The following MEGF11 variants were observed in gnomAD, a reference collection of about 807,000 sequenced individuals.
MEGF11 encodes the protein multiple epidermal growth factor-like domains protein 11.
Under a neutral mutation model 146.6 loss-of-function variants are expected in MEGF11, and 126 were observed. The ratio of observed to expected loss-of-function variants is 0.86; its 90% CI spans 0.74 to 1.00. The LOEUF is 1.00. MEGF11 is among the 50% of genes least tolerant of loss of function. The probability of loss-of-function intolerance (pLI) is 0.00; values close to 1 mark genes in which losing one functional copy is unlikely to be tolerated. For missense variants in MEGF11, 1,509 were observed against 1,521.2 expected (o/e 0.99, Z 0.13); for synonymous variants, 532 against 583.4 (o/e 0.91, Z 1.27).
At chr15:65,947,674 T>C (rs183720393) in intron 10 of MEGF11, among the ~76,000 whole-genome samples, 1 of 152,252 alleles carries the variant, frequency 6.6e-6, no homozygotes, top group African/African-American at 2.4e-5. Flanking sequence ...CCCTCTAGAA[T>C]TGGTGAGGTC....
intron 4 of MEGF11, 136 bp from the exon 5 acceptor site, chr15:66,094,630 G>C (rs1171986485): frequency 1.3e-5 from 9 of 671,098 alleles, no homozygotes; most frequent in East Asian, 2.9e-5. Context: ...GGCTTGGGGG[G>C]GAAAATCAAG....
chr15:66,076,212 G>GGATA (rs2085573452), intron 5 of MEGF11, among the ~76,000 whole-genome samples: 1 of 18,018 alleles, frequency 5.6e-5, no homozygotes, highest in African/African-American at 1.5e-4. Flanking sequence ...CAGGATGGAT[G>GGATA]GATGGATGGA....
intron 5 of MEGF11, among the ~76,000 whole-genome samples, chr15:66,080,812 G>C (rs1218761982): frequency 6.6e-6 from 1 of 152,210 alleles, no homozygotes. Flanking sequence ...CCAGTGTGTG[G>C]GGCTGACACA....
At chr15:65,928,394 C>A (rs1200032144) in intron 13 of MEGF11, 31 bp downstream of exon 13, 1 of 1,482,854 alleles carries the variant, frequency 6.7e-7, no homozygotes, top group Non-Finnish European at 9.3e-7. Context: ...TTTCACAGTA[C>A]CTGGGTGGTG....
chr15:66,150,823 CGAGAGAGAGAGAGAGAGAGAGAGAGA>C (rs66595752), intron 1 of MEGF11, among the ~76,000 whole-genome samples: 63 of 104,288 alleles, frequency 6.0e-4, no homozygotes, highest in African/African-American at 2.1e-3. Context: ...AATGCCCTGT[CGAGAGAGAGAGAGAGAGAGAGAGAGA>C]GAGAGAGAGA....
At chr15:66,196,416 G>A (rs570166162) in intron 1 of MEGF11, among the ~76,000 whole-genome samples, 76 of 152,254 alleles carry the variant, frequency 5.0e-4, no homozygotes, top group African/African-American at 1.6e-3. Context: ...AGGTTGCAGC[G>A]AGCTGAGATT....
chr15:66,064,708 T>TC lies in MEGF11; in HGVS notation c.394+29693_394+29694insG, dbSNP rs60886682. Among the ~76,000 whole-genome samples the TC allele has an allele frequency of 1.4e-3, 219 of 151,530 alleles. 2 individuals carry two copies. The East Asian group carries it at 0.036, about 25-fold the overall frequency. ...ATTTTGTATTTTTTTTCTTTTTTTT[T>TC]AGTAGAGACTGGGTTTCTCCATGTT... On this transcript the variant is annotated intron_variant, in intron 5 of 25. Transcript: ENST00000395614.
At chr15:66,079,171 C>T (rs1043806863) in intron 5 of MEGF11, among the ~76,000 whole-genome samples, 1 of 152,210 alleles carries the variant, frequency 6.6e-6, no homozygotes, top group Non-Finnish European at 1.5e-5. Context: ...ACACCGCCTC[C>T]TGCCCCATGG....
chr15:66,141,232 G>A (rs1019926930), intron 1 of MEGF11, among the ~76,000 whole-genome samples: 2 of 94,388 alleles, frequency 2.1e-5, no homozygotes, highest in South Asian at 5.1e-4. Flanking sequence ...GCAGACTCAG[G>A]GGTGTGTGTG....
chr15:66,140,045 G>A (rs950459984), intron 1 of MEGF11, among the ~76,000 whole-genome samples: 27 of 151,994 alleles, frequency 1.8e-4, no homozygotes, highest in Non-Finnish European at 3.7e-4. Context: ...CCTCACCGGC[G>A]CATTTCAACC....
At chr15:66,215,759 C>G (rs184428942) in intron 1 of MEGF11, among the ~76,000 whole-genome samples, 115 of 152,240 alleles carry the variant, frequency 7.6e-4, no homozygotes, top group African/African-American at 2.6e-3. Context: ...CTCCAGACAC[C>G]AGGCCACAGT....
intron 12 of MEGF11, 113 bp downstream of exon 12, chr15:65,929,607 C>A: frequency 7.9e-7 from 1 of 1,271,934 alleles, no homozygotes; most frequent in South Asian, 1.5e-5. Context: ...TCCAAGTGTC[C>A]CATCACCTAG....
chr15:66,088,112 C>T (rs895860153), intron 5 of MEGF11, among the ~76,000 whole-genome samples: 1 of 152,170 alleles, frequency 6.6e-6, no homozygotes, highest in Non-Finnish European at 1.5e-5. Flanking sequence ...TACAACCCTT[C>T]CAGTTTAAAT....
chr15:66,048,656 C>T (rs2084324544), intron 5 of MEGF11, among the ~76,000 whole-genome samples: 1 of 152,212 alleles, frequency 6.6e-6, no homozygotes, highest in Admixed American at 6.5e-5. Flanking sequence ...GTAGACTGAA[C>T]CTCCTGCCCA....
chr15:66,212,380 A>G (rs1477381336), intron 1 of MEGF11, among the ~76,000 whole-genome samples: 1 of 152,122 alleles, frequency 6.6e-6, no homozygotes, highest in East Asian at 1.9e-4. Flanking sequence ...TCCCATCCCC[A>G]TCAGCACAAG....
At chr15:65,928,184 A>AGT (rs1445608247) in intron 13 of MEGF11, among the ~76,000 whole-genome samples, 3 of 152,202 alleles carry the variant, frequency 2.0e-5, no homozygotes, top group Non-Finnish European at 4.4e-5. Context: ...ACCATATGTC[A>AGT]GCTTTTGACC....
At chr15:66,081,484 T>C (rs973324824) in intron 5 of MEGF11, among the ~76,000 whole-genome samples, 6 of 152,218 alleles carry the variant, frequency 3.9e-5, no homozygotes, top group Non-Finnish European at 8.8e-5. Context: ...GTTCAAGCTA[T>C]TCTCCTGCCT....
At chr15:66,168,680 A>G (rs1042039372) in intron 1 of MEGF11, among the ~76,000 whole-genome samples, 1 of 152,226 alleles carries the variant, frequency 6.6e-6, no homozygotes, top group Non-Finnish European at 1.5e-5. Context: ...AAGAAGATAC[A>G]TTATTAAAAT....
chr15:65,948,827 G>A (rs532969570), intron 10 of MEGF11, among the ~76,000 whole-genome samples: 1 of 97,048 alleles, frequency 1.0e-5, no homozygotes, highest in South Asian at 2.6e-4. Context: ...GGGTACTGGA[G>A]TGTGTGTGTG....
Sources: allele counts gnomAD v4.1 joint callset (sites outside exome capture counted in the v4.1 genomes callset), GRCh38; gene constraint gnomAD v4.1.1; transcripts MANE v1.5; gene names NCBI Gene and HGNC (gene_info 2026-07-23, HGNC 2026-07-21).